PPP2R1B: variants seen among roughly 807,000 people sequenced by gnomAD.
PPP2R1B encodes serine/threonine-protein phosphatase 2A 65 kDa regulatory subunit A beta isoform.
PPP2R1B carries 58 observed loss-of-function variants against 72.7 expected under a neutral mutation model. That is an observed-to-expected ratio of 0.80 (90% CI 0.65 to 0.99). PPP2R1B has a LOEUF of 0.99. Ranked by LOEUF, PPP2R1B falls within the 50% of genes least tolerant of loss-of-function variation. The pLI is 0.00. For synonymous variants in PPP2R1B, 256 were observed against 264.6 expected, an observed-to-expected ratio of 0.97 and a Z score of 0.32; for missense variants, 695 against 733.6, an observed-to-expected ratio of 0.95 and a Z score of 0.61.
chr11:111,726,115 T>C (rs1356233704), downstream of PPP2R1B: 1 of 152,220 alleles, frequency 6.6e-6, no homozygotes, highest in East Asian at 1.9e-4. Context: ...AGTTATAAAA[T>C]GGGGCTTGAT....
At chr11:111,737,642 CCAGCCAGGATGCCCT>C (rs1944377835), downstream of PPP2R1B, 2 of 1,599,662 alleles carry the variant, frequency 1.3e-6, no homozygotes, top group Non-Finnish European at 1.7e-6. Context: ...CCTGTGCTTC[CCAGCCAGGATGCCCT>C]CAGTTGTGCC....
chr11:111,733,585 G>A (rs527888053), downstream of PPP2R1B, among the ~76,000 whole-genome samples: 9 of 152,264 alleles, frequency 5.9e-5, no homozygotes, highest in African/African-American at 2.2e-4. Flanking sequence ...ACCCTGAGGA[G>A]ACTGTTCATT....
At chr11:111,733,152 C>T (rs996606213), downstream of PPP2R1B, among the ~76,000 whole-genome samples, 4 of 152,202 alleles carry the variant, frequency 2.6e-5, no homozygotes, top group Admixed American at 6.5e-5. Context: ...GCTTGCCAGG[C>T]GCCTCGGCCA....
At chr11:111,702,500 G>A in the PPP2R1B span, among the ~76,000 whole-genome samples, 1 of 152,144 alleles carries the variant, frequency 6.6e-6, no homozygotes, top group Admixed American at 6.5e-5. Flanking sequence ...GAGGCAGAAG[G>A]ATTGCTTACA....
chr11:111,754,763 A>G (rs1411978243), intron 7 of PPP2R1B, among the ~76,000 whole-genome samples, 194 bp from the exon 8 acceptor site: 1 of 152,158 alleles, frequency 6.6e-6, no homozygotes, highest in Non-Finnish European at 1.5e-5. Flanking sequence ...TCCAACCTGA[A>G]AGGCATTTTT....
chr11:111,765,560 G>A (rs1437284215), intron 1 of PPP2R1B, among the ~76,000 whole-genome samples, 176 bp from the exon 2 acceptor site: 19 of 152,164 alleles, frequency 1.2e-4, no homozygotes, highest in Non-Finnish European at 2.5e-4. Flanking sequence ...AGTGTAACTC[G>A]GCCTCACTAG....
chr11:111,727,889 G>C (rs1209014347), intron 15 of PPP2R1B: 1 of 152,084 alleles, frequency 6.6e-6, no homozygotes, highest in Non-Finnish European at 1.5e-5. Context: ...TCCTTTTTGG[G>C]GTCCTCCAGC....
chr11:111,712,358 T>C, the PPP2R1B span: 36 of 1,613,894 alleles, frequency 2.2e-5, no homozygotes, highest in South Asian at 2.3e-4. Flanking sequence ...GGAAGAAGAG[T>C]GTGTGGACAC....
At chr11:111,765,828 T>G (rs1555052891) in intron 1 of PPP2R1B, 3 of 474,900 alleles carry the variant, frequency 6.3e-6, no homozygotes, top group Non-Finnish European at 8.3e-6. Flanking sequence ...CAAGCCGAGA[T>G]GAAGGGATCC....
intron 5 of PPP2R1B, among the ~76,000 whole-genome samples, chr11:111,755,879 G>A (rs1458437097): frequency 2.6e-5 from 4 of 151,996 alleles, no homozygotes; most frequent in South Asian, 2.1e-4. Context: ...TTACAAGCGC[G>A]AGCCACTGCG....
chr11:111,740,600 A>G lies in PPP2R1B; in HGVS notation c.*996T>C. On this transcript the variant is annotated 3_prime_UTR_variant, in exon 15 of 15. Transcript: ENST00000527614. ...TCAGAATTAATGAGGTTTTACTGTA[A>G]AAGTAGAAAAGCAAACACTTCAAAT... The G allele has an allele frequency of 3.0e-6, 3 of 985,242 alleles. No homozygotes were observed. Among genetic ancestry groups the G allele is most frequent in the South Asian group, 4.7e-5 (1 of 21,280 alleles). The allele number at this position is 985,242 out of a possible 1,614,324, so 61.0% of individuals were successfully genotyped here. A position where few individuals can be genotyped will look rare whatever the true frequency, so the allele number is the denominator to read the frequency against.
In PPP2R1B at chr11:111,738,037, G is replaced by A. The variant is rs1010646324; in HGVS notation, c.*3559C>T. The A allele has an allele frequency of 5.5e-5, 56 of 1,009,718 alleles. No homozygotes were observed. Among genetic ancestry groups the A allele is most frequent in the East Asian group, 2.7e-4 (3 of 10,918 alleles). 62.5% of individuals were successfully genotyped at this position (1,009,718 alleles called of 1,614,324 possible). On this transcript the variant is annotated 3_prime_UTR_variant, in exon 15 of 15. Coordinates refer to ENST00000527614, the MANE Select transcript of PPP2R1B (RefSeq NM_002716.5). ...AAACAGCAGGCTCGTGGAGGCAAAC[G>A]GGGGACAGTGAGACTATTCTAGGTA... is the stretch of plus-strand genomic sequence containing the variant.
intron 3 of PPP2R1B, among the ~76,000 whole-genome samples, chr11:111,762,627 C>T (rs1345216093): frequency 2.0e-5 from 3 of 150,754 alleles, no homozygotes; most frequent in Non-Finnish European, 4.4e-5. Context: ...ACAATCATGG[C>T]TCAGTGCGGC....
At chr11:111,728,851 G>A (rs1252780353) in intron 15 of PPP2R1B, 2 of 151,582 alleles carry the variant, frequency 1.3e-5, no homozygotes, top group African/African-American at 2.4e-5. Flanking sequence ...GTGAACCCGG[G>A]AGGTGGAGCT....
chr11:111,727,384 C>T (rs1652667773), intron 15 of PPP2R1B: 2 of 376,096 alleles, frequency 5.3e-6, no homozygotes, highest in East Asian at 9.1e-5. Context: ...CAAGAACTCC[C>T]AAGTGTTTAA....
intron 12 of PPP2R1B, 59 bp downstream of exon 12, chr11:111,743,317 G>C (rs908868695): frequency 3.4e-6 from 5 of 1,460,644 alleles, no homozygotes; most frequent in Non-Finnish European, 4.7e-6. Context: ...TTCAGAAATA[G>C]TCATGAATAA....
At chr11:111,711,197 C>T in the PPP2R1B span, among the ~76,000 whole-genome samples, 1 of 151,578 alleles carries the variant, frequency 6.6e-6, no homozygotes, top group Non-Finnish European at 1.5e-5. Flanking sequence ...TGGCTCACTG[C>T]AAGCTCCGCC....
chr11:111,728,180 T>G (rs1944038508), intron 15 of PPP2R1B: 1 of 152,158 alleles, frequency 6.6e-6, no homozygotes, highest in Non-Finnish European at 1.5e-5. Context: ...CCACTCGGTC[T>G]CTTTGTGCCT....
At chr11:111,765,824 G>C (rs1014708601) in intron 1 of PPP2R1B, 5 of 473,912 alleles carry the variant, frequency 1.1e-5, no homozygotes, top group Admixed American at 2.3e-5. Flanking sequence ...GTTCCAAGCC[G>C]AGATGAAGGG....
Sources: gnomAD v4.1 joint callset for allele counts (sites outside exome capture counted in the v4.1 genomes callset) on GRCh38, gnomAD v4.1.1 for gene constraint, MANE v1.5 for transcripts, NCBI Gene and HGNC (gene_info 2026-07-23, HGNC 2026-07-21) for gene names.